The following CNKSR2 variants were observed in gnomAD, a reference collection of about 807,000 sequenced individuals.
The protein encoded by CNKSR2 is connector enhancer of kinase suppressor of Ras 2.
A neutral mutation model predicts 84.4 loss-of-function variants in CNKSR2; 14 were observed. The ratio of observed to expected loss-of-function variants is 0.17; its 90% CI spans 0.11 to 0.26. CNKSR2 has a LOEUF of 0.26. Ranked by LOEUF, CNKSR2 falls within the 10% of genes least tolerant of loss-of-function variation. The pLI, the probability that CNKSR2 is intolerant of heterozygous loss-of-function variation, is 1.00. For missense variants in CNKSR2, 485 were observed against 771.2 expected, an observed-to-expected ratio of 0.63 and a Z score of 4.40; for synonymous variants, 275 against 277.9, an observed-to-expected ratio of 0.99 and a Z score of 0.10.
intron 11 of CNKSR2, chrX:21,538,619 A>G (rs1217669576): frequency 8.9e-6 from 1 of 112,291 alleles, no homozygotes; most frequent in Non-Finnish European, 1.9e-5. Context: ...CACGATCACC[A>G]GGTGAACTCC....
chrX:21,502,407 T>A (rs2091568400), intron 8 of CNKSR2, among the ~76,000 whole-genome samples: 1 of 108,894 alleles, frequency 9.2e-6, no homozygotes, highest in African/African-American at 3.3e-5. Flanking sequence ...GTTAAAATAA[T>A]CCAAAATTAT....
intron 4 of CNKSR2, among the ~76,000 whole-genome samples, chrX:21,462,249 T>C (rs1343915411): frequency 8.9e-6 from 1 of 112,028 alleles, no homozygotes; most frequent in Non-Finnish European, 1.9e-5. Flanking sequence ...GATCTTTCAC[T>C]TCTTTGATTA....
At chrX:21,633,123 T>G (rs1244754459) in intron 20 of CNKSR2, among the ~76,000 whole-genome samples, 1 of 111,015 alleles carries the variant, frequency 9.0e-6, no homozygotes, top group African/African-American at 3.3e-5. Context: ...TGCTATTATT[T>G]TTTTGCCATC....
At chrX:21,591,680 C>A (rs1232289184) in intron 15 of CNKSR2, 1 of 109,521 alleles carries the variant, frequency 9.1e-6, no homozygotes, top group Non-Finnish European at 1.9e-5. Flanking sequence ...TTTTGAAAAT[C>A]TGCAAGTATT....
intron 1 of CNKSR2, among the ~76,000 whole-genome samples, chrX:21,383,515 T>C (rs951368681): frequency 8.9e-6 from 1 of 112,359 alleles, no homozygotes; most frequent in African/African-American, 3.2e-5. Context: ...GATAAAAATA[T>C]TGTTACATAA....
intron 11 of CNKSR2, among the ~76,000 whole-genome samples, chrX:21,540,856 T>C (rs2091970366): frequency 8.9e-6 from 1 of 112,458 alleles, no homozygotes; most frequent in Admixed American, 9.4e-5. Flanking sequence ...AATGTGTATG[T>C]AGTTGCTATA....
At chrX:21,411,139 C>T (rs1176967343) in intron 1 of CNKSR2, among the ~76,000 whole-genome samples, 1 of 110,800 alleles carries the variant, frequency 9.0e-6, no homozygotes, top group Non-Finnish European at 1.9e-5. Flanking sequence ...CTCTATATTA[C>T]TATACAGTTT....
intron 20 of CNKSR2, among the ~76,000 whole-genome samples, chrX:21,625,002 C>T (rs191472095): frequency 3.6e-5 from 4 of 111,672 alleles, no homozygotes; most frequent in African/African-American, 1.3e-4. Flanking sequence ...TTCATTGTCT[C>T]TAATGAAATG....
At position 21,403,763 on chromosome X, in the gene CNKSR2, A is replaced by T. The variant is rs151095744; in HGVS notation, c.65-22734A>T. Reference sequence around the variant, plus strand: ...ATACAAAAATGGCATTTAGTCCCATAGCTGGTCTTACTATTAATAAGTATC... The same window carrying T: ...ATACAAAAATGGCATTTAGTCCCATTGCTGGTCTTACTATTAATAAGTATC... On this transcript the variant is annotated intron_variant, in intron 1 of 21. Transcript: ENST00000379510. Among the ~76,000 whole-genome samples the T allele has an allele frequency of 7.0e-3, 780 of 111,879 alleles. 6 individuals carry two copies. The highest frequency in any genetic ancestry group is 0.023 in the African/African-American group (719 of 30,894).
At chrX:21,375,383 C>G (rs2089795255) in intron 1 of CNKSR2, among the ~76,000 whole-genome samples, 1 of 112,310 alleles carries the variant, frequency 8.9e-6, no homozygotes, top group Admixed American at 9.3e-5. Context: ...AGCTGACGCC[C>G]CCTCGGCGGC....
chrX:21,585,608 A>G (rs2092382053), intron 13 of CNKSR2, among the ~76,000 whole-genome samples: 1 of 110,730 alleles, frequency 9.0e-6, no homozygotes, highest in African/African-American at 3.3e-5. Flanking sequence ...AGAGTAGGAA[A>G]GAAGCAGATT....
intron 20 of CNKSR2, among the ~76,000 whole-genome samples, chrX:21,610,638 C>T (rs1412925399): frequency 8.9e-6 from 1 of 112,418 alleles, no homozygotes; most frequent in Non-Finnish European, 1.9e-5. Flanking sequence ...GGGCAATAGA[C>T]TTCTCTTTTT....
In CNKSR2 at chrX:21,519,436, A is replaced by G. The variant is rs2091760712; in HGVS notation, c.957+2805A>G. Among the ~76,000 whole-genome samples, 4 of 110,813 alleles carry G rather than the reference A, an allele frequency of 3.6e-5. No individual in the cohort carries two copies. The South Asian group carries it at 1.5e-3, about 41-fold the overall frequency. On this transcript the variant is annotated intron_variant, in intron 9 of 21. Transcript: ENST00000379510. ...CTTTATCTGAGGTCACCTTTTCTTC[A>G]TAGTACCTAAGGAGCTACCTCAGAT...
chrX:21,575,857 A>G (rs1201534546), intron 13 of CNKSR2, among the ~76,000 whole-genome samples: 1 of 112,349 alleles, frequency 8.9e-6, no homozygotes, highest in Non-Finnish European at 1.9e-5. Flanking sequence ...CTTCACCACA[A>G]CAGGCATAAA....
At chrX:21,648,770 TTCTCTCTCTCTC>T (rs1229529311) in intron 20 of CNKSR2, 49 bp from the exon 21 acceptor site, 3 of 756,351 alleles carry the variant, frequency 4.0e-6, no homozygotes, top group Non-Finnish European at 5.5e-6. Context: ...TCATTTCTCT[TTCTCTCTCTCTC>T]TCTCTCTCTT....
chrX:21,441,959 C>CACAAATGGCTTTTTTCCCCTTCCTAAAA (rs2090790109), intron 4 of CNKSR2, among the ~76,000 whole-genome samples: 1 of 111,337 alleles, frequency 9.0e-6, no homozygotes, highest in African/African-American at 3.3e-5. Context: ...AATAAACTGT[C>CACAAATGGCTTTTTTCCCCTTCCTAAAA]ACAAATGGCT....
chrX:21,388,146 AC>A (rs1354748985), intron 1 of CNKSR2, among the ~76,000 whole-genome samples: 44 of 111,253 alleles, frequency 4.0e-4, no homozygotes, highest in African/African-American at 1.3e-3. Context: ...TGATCCGCCC[AC>A]CTCAGCCTCC....
chrX:21,393,697 G>A (rs1187554423), intron 1 of CNKSR2, among the ~76,000 whole-genome samples: 1 of 112,171 alleles, frequency 8.9e-6, no homozygotes, highest in East Asian at 2.8e-4. Flanking sequence ...AAGTAGACTT[G>A]GAAGCTTTTT....
At chrX:21,591,823 A>G (rs1458798342) in intron 15 of CNKSR2, 2 of 111,368 alleles carry the variant, frequency 1.8e-5, no homozygotes, top group Non-Finnish European at 3.8e-5. Context: ...ATCTTGACAG[A>G]TATGCCAAAA....
Sources: allele counts gnomAD v4.1 joint callset (sites outside exome capture counted in the v4.1 genomes callset), GRCh38; gene constraint gnomAD v4.1.1; transcripts MANE v1.5; gene names NCBI Gene and HGNC (gene_info 2026-07-23, HGNC 2026-07-21).